PPM1E: variants seen among roughly 807,000 people sequenced by gnomAD.
The protein encoded by PPM1E is protein phosphatase, Mg2+/Mn2+ dependent 1E, also known as protein phosphatase 1E.
In PPM1E, 20 loss-of-function variants were observed where a neutral mutation model predicts 65.9. The observed-to-expected ratio is 0.30, with a 90% CI of 0.21 to 0.44. The LOEUF is 0.44. Ranked by LOEUF, PPM1E falls within the 20% of genes least tolerant of loss-of-function variation. The probability of loss-of-function intolerance (pLI) is 1.00; values close to 1 mark genes in which losing one functional copy is unlikely to be tolerated. For synonymous variants in PPM1E, 352 were observed against 374.9 expected (o/e 0.94, Z 0.70); for missense variants, 713 against 953.1 (o/e 0.75, Z 3.32).
intron 1 of PPM1E, among the ~76,000 whole-genome samples, chr17:58,762,115 T>C (rs1038391366): frequency 6.6e-6 from 1 of 152,226 alleles, no homozygotes; most frequent in Non-Finnish European, 1.5e-5. Flanking sequence ...TATTACAGTT[T>C]ATCTGTGCCT....
Position 58,891,832 on chromosome 17 carries a change from CTTTTT to C in PPM1E, c.465-63800_465-63796del. ...TTATGTTTTACATTTTTTTCTTTTT[CTTTTT>C]TTTTTTTTTTTTTTTTGAGACAGAG... is the stretch of plus-strand genomic sequence containing the variant. On this transcript the variant is annotated intron_variant, in intron 1 of 6. Coordinates refer to ENST00000308249, the MANE Select transcript of PPM1E (RefSeq NM_014906.5). Among the ~76,000 whole-genome samples, 2 of 85,458 alleles carry C rather than the reference CTTTTT, an allele frequency of 2.3e-5. 1 individual carries two copies. Among genetic ancestry groups the C allele is most frequent in the South Asian group, 8.9e-4 (2 of 2,252 alleles). The allele number at this position is 85,458 out of a possible 152,430, so 56.1% of individuals were successfully genotyped here.
chr17:58,756,453 C>G lies in PPM1E; in HGVS notation c.456C>G (p.Leu152=), dbSNP rs763937462. 9.2e-6 allele frequency: 12 copies of G among 1,310,604 alleles called. No individual in the cohort carries two copies. In the South Asian group the frequency reaches 1.1e-4, roughly 12 times the overall value. 81.2% of individuals were successfully genotyped at this position (1,310,604 alleles called of 1,614,324 possible). A position where few individuals can be genotyped will look rare whatever the true frequency, so the allele number is the denominator to read the frequency against. The change falls in exon 1 of 7, where the codon CTC becomes CTG. Residue 152 remains leucine (L), a synonymous_variant. Transcript: ENST00000308249. The part of the protein sequence containing the change: ...GESLDLCLQQ[L]YKYNCPSFLA... ...GCCTGGACCTGTGCCTGCAGCAGCT[C>G]TACAAATAGTTAAGTAGCTGGGCTT... is the stretch of plus-strand genomic sequence containing the variant.
At chr17:58,959,309 C>CA (rs71145509) in intron 2 of PPM1E, among the ~76,000 whole-genome samples, 1,368 of 56,910 alleles carry the variant, frequency 0.024, 42 homozygotes, top group African/African-American at 0.04. Context: ...GACTCCGTCT[C>CA]AAAAAAAAAA....
At chr17:58,937,141 T>A (rs978476298) in intron 1 of PPM1E, among the ~76,000 whole-genome samples, 7 of 150,196 alleles carry the variant, frequency 4.7e-5, no homozygotes, top group East Asian at 1.9e-4. Context: ...AAAAAAAAAA[T>A]AAAATAAGCT....
intron 1 of PPM1E, among the ~76,000 whole-genome samples, chr17:58,811,681 T>C (rs2050369307): frequency 6.6e-6 from 1 of 151,382 alleles, no homozygotes; most frequent in African/African-American, 2.4e-5. Flanking sequence ...CTGTTTTTCT[T>C]TTTTTTTTGA....
At chr17:58,826,955 A>G (rs916368909) in intron 1 of PPM1E, among the ~76,000 whole-genome samples, 2 of 151,806 alleles carry the variant, frequency 1.3e-5, no homozygotes, top group Non-Finnish European at 2.9e-5. Flanking sequence ...TGGGTTTTAT[A>G]TACTTTTAAG....
At chr17:58,881,660 C>A (rs1366970850) in intron 1 of PPM1E, among the ~76,000 whole-genome samples, 2 of 150,960 alleles carry the variant, frequency 1.3e-5, no homozygotes, top group Admixed American at 1.3e-4. Context: ...GATTCCATCT[C>A]AAAAAAACAA....
chr17:58,978,192 G>A (rs1202811200), intron 6 of PPM1E, among the ~76,000 whole-genome samples: 2 of 152,186 alleles, frequency 1.3e-5, no homozygotes, highest in Non-Finnish European at 2.9e-5. Flanking sequence ...AGTTGTGTAG[G>A]TGACAAGTAG....
chr17:58,932,850 T>G (rs949823188), intron 1 of PPM1E, among the ~76,000 whole-genome samples: 1 of 152,194 alleles, frequency 6.6e-6, no homozygotes, highest in African/African-American at 2.4e-5. Flanking sequence ...AACATTTTAG[T>G]CAATAACAGG....
chr17:58,923,404 G>C (rs964621489), intron 1 of PPM1E, among the ~76,000 whole-genome samples: 1 of 152,038 alleles, frequency 6.6e-6, no homozygotes, highest in Non-Finnish European at 1.5e-5. Context: ...CTTGAGGCCA[G>C]GAGTTTGAGA....
chr17:58,931,327 G>A (rs1305462873), intron 1 of PPM1E, among the ~76,000 whole-genome samples: 2 of 151,528 alleles, frequency 1.3e-5, no homozygotes, highest in Non-Finnish European at 2.9e-5. Flanking sequence ...CGGAGGTTGC[G>A]GTGAGCTGAG....
intron 1 of PPM1E, among the ~76,000 whole-genome samples, chr17:58,950,919 C>G (rs2052228310): frequency 6.6e-6 from 1 of 151,854 alleles, no homozygotes; most frequent in Admixed American, 6.6e-5. Flanking sequence ...GCTGGGACTA[C>G]AGGCGCCCGC....
rs890018228 is a variant in PPM1E, at chr17:58,778,939, T to C, written c.464+22478T>C. Among the ~76,000 whole-genome samples the C allele has an allele frequency of 1.3e-3, 177 of 140,452 alleles. 2 individuals are homozygous for C. In the East Asian group the frequency reaches 0.031, roughly 25 times the overall value. 92.1% of individuals were successfully genotyped at this position (140,452 alleles called of 152,430 possible). A position where few individuals can be genotyped will look rare whatever the true frequency, so the allele number is the denominator to read the frequency against. The stretch of plus-strand genomic sequence containing the variant: ...GAGATGATACATACATATATATATA[T>C]ATATATATATATATATATATATGTA... On this transcript the variant is annotated intron_variant, in intron 1 of 6. Transcript: ENST00000308249.
At chr17:58,873,690 C>T (rs1465867881) in intron 1 of PPM1E, among the ~76,000 whole-genome samples, 1 of 151,138 alleles carries the variant, frequency 6.6e-6, no homozygotes, top group Non-Finnish European at 1.5e-5. Context: ...ATCTCCCAGG[C>T]TCAAGTGATC....
intron 1 of PPM1E, chr17:58,785,487 T>TATAGATAG (rs2050091675): frequency 7.6e-6 from 1 of 132,210 alleles, no homozygotes; most frequent in African/African-American, 2.8e-5. Flanking sequence ...TATATATATA[T>TATAGATAG]ATAGTAGAAC....
At chr17:58,840,197 A>G (rs772969210) in intron 1 of PPM1E, among the ~76,000 whole-genome samples, 2 of 152,208 alleles carry the variant, frequency 1.3e-5, no homozygotes, top group Non-Finnish European at 2.9e-5. Flanking sequence ...ACGACACGCT[A>G]GAAGTATTGC....
intron 1 of PPM1E, 106 bp downstream of exon 1, chr17:58,756,567 CCCCG>C: frequency 8.4e-7 from 1 of 1,195,546 alleles, no homozygotes. Context: ...TGCTCCTCTC[CCCCG>C]CACCCGCGCC....
chr17:58,872,292 G>A (rs2051079914), intron 1 of PPM1E, among the ~76,000 whole-genome samples: 1 of 152,166 alleles, frequency 6.6e-6, no homozygotes, highest in Non-Finnish European at 1.5e-5. Flanking sequence ...GTGAGAGGCT[G>A]TCTCAAAAAA....
chr17:58,978,973 A>T (rs779774808), intron 6 of PPM1E, among the ~76,000 whole-genome samples: 1 of 152,084 alleles, frequency 6.6e-6, no homozygotes, highest in Non-Finnish European at 1.5e-5. Flanking sequence ...CCAACTGTAC[A>T]TTACTCCCTA....
Sources: gnomAD v4.1 joint callset for allele counts (sites outside exome capture counted in the v4.1 genomes callset) on GRCh38, gnomAD v4.1.1 for gene constraint, MANE v1.5 for transcripts, NCBI Gene and HGNC (gene_info 2026-07-23, HGNC 2026-07-21) for gene names.